PCDHGB2: variants seen among roughly 807,000 people sequenced by gnomAD.
The protein encoded by PCDHGB2 is protocadherin gamma subfamily B, 2.
PCDHGB2 carries 55 observed loss-of-function variants against 59.3 expected under a neutral mutation model. The ratio of observed to expected loss-of-function variants is 0.93; its 90% CI spans 0.75 to 1.16. The LOEUF (loss-of-function observed/expected upper bound fraction) is 1.16. PCDHGB2 is among the 50% of genes most tolerant of loss of function. The pLI is 0.00. For synonymous variants in PCDHGB2, 516 were observed against 512.0 expected, an observed-to-expected ratio of 1.01 and a Z score of -0.11; for missense variants, 1,228 against 1,198.5, an observed-to-expected ratio of 1.02 and a Z score of -0.36.
intron 1 of PCDHGB2, chr5:141,389,726 C>A: frequency 6.2e-7 from 1 of 1,612,720 alleles, no homozygotes; most frequent in South Asian, 1.1e-5. Flanking sequence ...AGCCCGGGCT[C>A]TTCAGCCTGG....
rs753503057 is a variant in PCDHGB2 at position 141,400,154 on chromosome 5, T to A, written c.2421+37598T>A. 8 of 1,614,074 alleles carry A rather than the reference T, an allele frequency of 5.0e-6. 1 individual carries two copies. In the South Asian group the frequency reaches 6.6e-5, roughly 13 times the overall value. On this transcript the variant is annotated intron_variant, in intron 1 of 3. Coordinates refer to ENST00000522605, the MANE Select transcript of PCDHGB2 (RefSeq NM_018923.3). ...CTGCCGGATATCACTGACCGCCCTG[T>A]ACCCTCTGACCCCCAGGCTGAGCTG...
chr5:141,440,883 T>C (rs1435173649), intron 1 of PCDHGB2: 4 of 152,178 alleles, frequency 2.6e-5, no homozygotes, highest in Non-Finnish European at 5.9e-5. Flanking sequence ...AGCGTCGGCC[T>C]TCAGGAAGAT....
intron 1 of PCDHGB2, among the ~76,000 whole-genome samples, chr5:141,462,574 C>T (rs1308899602): frequency 2.0e-5 from 3 of 152,036 alleles, no homozygotes; most frequent in Non-Finnish European, 4.4e-5. Context: ...TTGCTAATCC[C>T]ATCCAGTGAA....
At chr5:141,399,375 C>A (rs548275013) in intron 1 of PCDHGB2, 2 of 1,614,016 alleles carry the variant, frequency 1.2e-6, no homozygotes, top group Non-Finnish European at 1.7e-6. Context: ...AGTACAATGT[C>A]ACCATCACAG....
chr5:141,403,262 G>C (rs1162911439), intron 1 of PCDHGB2: 1 of 1,613,868 alleles, frequency 6.2e-7, no homozygotes, highest in Middle Eastern at 1.6e-4. Context: ...GCGGTGTCTG[G>C]TGAACTTTAA....
rs375127524 is a variant in PCDHGB2 at position 141,490,702 on chromosome 5, C to T, written c.2422-4105C>T. ...AGATCCAGACACTGGGGATAATGCC[C>T]GCCTCACCTACTCCATTGTAGGAAA... On this transcript the variant is annotated intron_variant, in intron 1 of 3. Coordinates refer to ENST00000522605, the MANE Select transcript of PCDHGB2 (RefSeq NM_018923.3). The surrounding 1 kb of genome is among the most constrained non-coding windows in gnomAD (Gnocchi z 5.4). 36 of 1,614,060 alleles carry T rather than the reference C, an allele frequency of 2.2e-5. No homozygotes were observed. Among genetic ancestry groups the T allele is most frequent in the South Asian group, 7.7e-5 (7 of 91,090 alleles).
chr5:141,364,068 C>T (rs1405963968), intron 1 of PCDHGB2, among the ~76,000 whole-genome samples: 1 of 152,134 alleles, frequency 6.6e-6, no homozygotes, highest in Non-Finnish European at 1.5e-5. Flanking sequence ...TATAACTAAA[C>T]TTAGGAGAAA....
At chr5:141,419,298 A>G in intron 1 of PCDHGB2, 1 of 1,613,988 alleles carries the variant, frequency 6.2e-7, no homozygotes, top group Non-Finnish European at 8.5e-7. Context: ...TCTGACCCAG[A>G]CTTCGGGCTC....
Position 141,394,738 on chromosome 5 carries a change from T to G in PCDHGB2, c.2421+32182T>G. ...GACAGAGATGCGCTCAAGCAGAGCCTCGTGGTGGCCGTCCAGGACCATGGC... is the reference window on the plus strand; with the variant it reads ...GACAGAGATGCGCTCAAGCAGAGCCGCGTGGTGGCCGTCCAGGACCATGGC... On this transcript the variant is annotated intron_variant, in intron 1 of 3. Coordinates refer to ENST00000522605, the MANE Select transcript of PCDHGB2 (RefSeq NM_018923.3). 3 of 1,613,412 alleles carry G rather than the reference T, an allele frequency of 1.9e-6. No homozygotes were observed. The African/African-American group carries it at 4.0e-5, about 21-fold the overall frequency.
rs2099883887 is a variant in PCDHGB2, at chr5:141,511,641, ACC to A, written c.*469_*470del. 4.4e-6 allele frequency: 1 copy of A among 224,930 alleles called. No homozygotes were observed. Among genetic ancestry groups the A allele is most frequent in the Non-Finnish European group, 9.1e-6 (1 of 110,428 alleles). 13.9% of individuals were successfully genotyped at this position (224,930 alleles called of 1,614,324 possible). A position where few individuals can be genotyped will look rare whatever the true frequency, so the allele number is the denominator to read the frequency against. ...TCTGAAAAGTTGGAAGGGCATCATG[ACC>A]TCTTGGCCTCTCCTTTGATTCTCAA... On this transcript the variant is annotated 3_prime_UTR_variant, in exon 4 of 4. Coordinates refer to ENST00000522605, the MANE Select transcript of PCDHGB2 (RefSeq NM_018923.3).
intron 1 of PCDHGB2, chr5:141,390,085 A>C (rs1253804368): frequency 2.5e-6 from 4 of 1,613,916 alleles, no homozygotes. Flanking sequence ...GTTAAATCCG[A>C]ATCCGTGGTT....
chr5:141,410,153 C>G (rs200651346), intron 1 of PCDHGB2: 9 of 1,612,786 alleles, frequency 5.6e-6, no homozygotes. Context: ...TGACGGTGGA[C>G]AGCCGCCACT....
intron 1 of PCDHGB2, chr5:141,385,468 A>G: frequency 1.4e-6 from 2 of 1,440,194 alleles, no homozygotes; most frequent in Non-Finnish European, 1.8e-6. Context: ...TTCAGTGGTG[A>G]CACTTTAATA....
intron 1 of PCDHGB2, among the ~76,000 whole-genome samples, chr5:141,480,874 G>A (rs1487409799): frequency 2.6e-5 from 4 of 151,950 alleles, no homozygotes; most frequent in African/African-American, 7.3e-5. Context: ...GTGAAACCCC[G>A]TCTCTACTAA....
intron 1 of PCDHGB2, chr5:141,393,581 C>T (rs1356594219): frequency 5.0e-6 from 8 of 1,613,790 alleles, no homozygotes; most frequent in Non-Finnish European, 6.8e-6. Flanking sequence ...AGAACATGCC[C>T]CCAGGCACGC....
intron 1 of PCDHGB2, among the ~76,000 whole-genome samples, chr5:141,455,082 G>A (rs1323760148): frequency 1.3e-5 from 2 of 151,932 alleles, no homozygotes; most frequent in African/African-American, 2.4e-5. Context: ...AAAGTGCTGG[G>A]ATTACAGGCT....
intron 1 of PCDHGB2, chr5:141,422,545 T>C: frequency 6.2e-7 from 1 of 1,614,000 alleles, no homozygotes; most frequent in Non-Finnish European, 8.5e-7. Context: ...AACTCATGTC[T>C]GGCTGAATGT....
rs2099725414 is a variant in PCDHGB2, at chr5:141,491,703, GA to G, written c.2422-3103del. On this transcript the variant is annotated intron_variant, in intron 1 of 3. Coordinates refer to ENST00000522605, the MANE Select transcript of PCDHGB2 (RefSeq NM_018923.3). The surrounding 1 kb of genome is among the most constrained non-coding windows in gnomAD (Gnocchi z 6.9). ...ATACGCTGCGGGAGCGGAGCCAGGT[GA>G]GGGGCTCGGCGCCGCCCCGGGCGAC... is the stretch of plus-strand genomic sequence containing the variant. The G allele has an allele frequency of 3.7e-6, 6 of 1,611,396 alleles. No homozygotes were observed.
chr5:141,490,700 C>T lies in PCDHGB2; in HGVS notation c.2422-4107C>T. The T allele has an allele frequency of 6.2e-7, 1 of 1,614,152 alleles. No individual in the cohort carries two copies. Among genetic ancestry groups the T allele is most frequent in the Non-Finnish European group, 8.5e-7 (1 of 1,179,984 alleles). ...TCAGATCCAGACACTGGGGATAATG[C>T]CCGCCTCACCTACTCCATTGTAGGA... On this transcript the variant is annotated intron_variant, in intron 1 of 3. Transcript: ENST00000522605. This position sits in a 1 kb window ranked among gnomAD's most constrained non-coding sequence, Gnocchi z 5.4.
Sources: gnomAD v4.1 joint callset for allele counts (sites outside exome capture counted in the v4.1 genomes callset) on GRCh38, gnomAD v4.1.1 for gene constraint, Gnocchi (gnomAD v3.1) non-coding constraint, MANE v1.5 for transcripts, NCBI Gene and HGNC (gene_info 2026-07-23, HGNC 2026-07-21) for gene names.